DNAJC1: variants seen among roughly 807,000 people sequenced by gnomAD.
DNAJC1 encodes the protein dnaJ homolog subfamily C member 1.
Under a neutral mutation model 76.6 loss-of-function variants are expected in DNAJC1, and 58 were observed. That is an observed-to-expected ratio of 0.76 (90% CI 0.61 to 0.94). The LOEUF (loss-of-function observed/expected upper bound fraction) is 0.94, where lower values mean the gene tolerates loss of function less well. Among genes scored for constraint, DNAJC1 ranks in the 40% least tolerant of loss-of-function variants. The probability of loss-of-function intolerance (pLI) is 0.00; values close to 1 mark genes in which losing one functional copy is unlikely to be tolerated. For missense variants in DNAJC1, 689 were observed against 677.3 expected, an observed-to-expected ratio of 1.02 and a Z score of -0.19; for synonymous variants, 258 against 267.9, an observed-to-expected ratio of 0.96 and a Z score of 0.36.
chr10:21,862,326 T>C (rs892756399), intron 8 of DNAJC1, among the ~76,000 whole-genome samples: 7 of 152,124 alleles, frequency 4.6e-5, no homozygotes, highest in Admixed American at 3.3e-4. Flanking sequence ...TCTGGACCTC[T>C]TTCCTGTGAT....
chr10:21,925,893 C>T (rs1837119099), intron 3 of DNAJC1, among the ~76,000 whole-genome samples: 1 of 152,198 alleles, frequency 6.6e-6, no homozygotes, highest in South Asian at 2.1e-4. Flanking sequence ...CTAAAAAGCA[C>T]TTAACTGTAC....
chr10:21,804,116 G>C, intron 9 of DNAJC1: 1 of 266,614 alleles, frequency 3.8e-6, no homozygotes, highest in Non-Finnish European at 5.8e-6. Context: ...GTTATATCCT[G>C]TGTATTCTTG....
chr10:21,759,433 G>A lies in DNAJC1; in HGVS notation c.1333C>T (p.Arg445Trp), dbSNP rs781526289. Reference protein sequence around the residue: ...TGATDARPRRRKPARLLEATA... With the variant: ...TGATDARPRRWKPARLLEATA... ...GCCTCCAGCAGCCTGGCTGGCTTCC[G>A]CCTCCGAGGCCGGGCATCAGTGGCC... Residue 445 changes from arginine (R) to tryptophan (W), a missense_variant, in exon 11 of 12, where the codon CGG (arginine) becomes TGG (tryptophan). Transcript: ENST00000376980. 6.8e-6 allele frequency: 11 copies of A among 1,613,910 alleles called. No homozygotes were observed. Among genetic ancestry groups the A allele is most frequent in the South Asian group, 3.3e-5 (3 of 91,078 alleles).
At chr10:21,859,257 A>G (rs543640421) in intron 8 of DNAJC1, among the ~76,000 whole-genome samples, 6 of 152,280 alleles carry the variant, frequency 3.9e-5, no homozygotes, top group South Asian at 2.1e-4. Context: ...TTGAGCCATG[A>G]AAGATTCTTG....
chr10:21,804,408 C>T (rs1290276182), intron 9 of DNAJC1, among the ~76,000 whole-genome samples: 1 of 151,858 alleles, frequency 6.6e-6, no homozygotes, highest in Non-Finnish European at 1.5e-5. Context: ...ATTTTAGTTT[C>T]TTTTGATAAT....
At chr10:21,880,036 G>A (rs1249512139) in intron 8 of DNAJC1, among the ~76,000 whole-genome samples, 1 of 152,160 alleles carries the variant, frequency 6.6e-6, no homozygotes, top group African/African-American at 2.4e-5. Flanking sequence ...TCAATCCTTT[G>A]TTGTCATTTC....
At chr10:21,765,625 T>G (rs1252024733) in intron 10 of DNAJC1, among the ~76,000 whole-genome samples, 1 of 151,998 alleles carries the variant, frequency 6.6e-6, no homozygotes, top group African/African-American at 2.4e-5. Flanking sequence ...GGTGAGAGGA[T>G]CAAGAGGTCA....
intron 6 of DNAJC1, among the ~76,000 whole-genome samples, 174 bp from the exon 7 acceptor site, chr10:21,904,786 G>A (rs1182797370): frequency 6.6e-6 from 1 of 151,904 alleles, no homozygotes; most frequent in Non-Finnish European, 1.5e-5. Context: ...TTCTCTCCTG[G>A]AGAGCCAGTT....
intron 8 of DNAJC1, among the ~76,000 whole-genome samples, chr10:21,855,748 C>T (rs1213235547): frequency 6.6e-6 from 1 of 152,146 alleles, no homozygotes; most frequent in Non-Finnish European, 1.5e-5. Context: ...CTCACCAACA[C>T]TTCAACGTAA....
At chr10:21,793,183 G>A (rs1392271101) in intron 9 of DNAJC1, among the ~76,000 whole-genome samples, 1 of 152,066 alleles carries the variant, frequency 6.6e-6, no homozygotes, top group Non-Finnish European at 1.5e-5. Flanking sequence ...GTGAATGCCT[G>A]TAATCCCAGC....
chr10:22,000,180 T>C (rs1290162496), intron 1 of DNAJC1, among the ~76,000 whole-genome samples: 1 of 152,214 alleles, frequency 6.6e-6, no homozygotes, highest in African/African-American at 2.4e-5. Flanking sequence ...GTTTGCTCCA[T>C]GTTGAAATTC....
chr10:21,951,058 T>C (rs1223165340), intron 1 of DNAJC1, among the ~76,000 whole-genome samples: 1 of 152,112 alleles, frequency 6.6e-6, no homozygotes, highest in African/African-American at 2.4e-5. Context: ...GTAATCTAGA[T>C]GGCCAGGCGA....
intron 7 of DNAJC1, among the ~76,000 whole-genome samples, chr10:21,888,143 ATC>A (rs1836397654): frequency 6.6e-6 from 1 of 151,914 alleles, no homozygotes; most frequent in East Asian, 1.9e-4. Context: ...AAAGCTCCAT[ATC>A]ACTGATTATT....
chr10:21,929,268 A>C (rs564124474), intron 1 of DNAJC1, 127 bp from the exon 2 acceptor site: 3 of 627,182 alleles, frequency 4.8e-6, no homozygotes, highest in Admixed American at 3.2e-5. Flanking sequence ...TAATTTGAGC[A>C]ATCAGTCTTA....
chr10:21,882,199 C>T, intron 8 of DNAJC1, 83 bp downstream of exon 8: 10 of 1,268,892 alleles, frequency 7.9e-6, no homozygotes, highest in Non-Finnish European at 9.7e-6. Context: ...TAAAACAAAG[C>T]ACTATATCGT....
At chr10:21,912,143 G>A (rs182019666) in intron 6 of DNAJC1, among the ~76,000 whole-genome samples, 1 of 152,040 alleles carries the variant, frequency 6.6e-6, no homozygotes, top group African/African-American at 2.4e-5. Context: ...TTATCGACCT[G>A]GGGCGAAATT....
chr10:21,810,576 A>G (rs1180975131), intron 8 of DNAJC1, among the ~76,000 whole-genome samples: 7 of 152,192 alleles, frequency 4.6e-5, no homozygotes, highest in African/African-American at 1.4e-4. Context: ...TGGCACTAAC[A>G]AATTGCCTTT....
chr10:21,946,198 G>A (rs1046746815), intron 1 of DNAJC1, among the ~76,000 whole-genome samples: 2 of 151,326 alleles, frequency 1.3e-5, no homozygotes, highest in African/African-American at 2.4e-5. Context: ...GTGCCACCAC[G>A]CCCAACTAAA....
chr10:21,817,798 G>A (rs1835099294), intron 8 of DNAJC1, among the ~76,000 whole-genome samples: 1 of 152,180 alleles, frequency 6.6e-6, no homozygotes, highest in African/African-American at 2.4e-5. Flanking sequence ...TGTCTTTACG[G>A]CAATCTCTGA....
Sources: gnomAD v4.1 joint callset for allele counts (sites outside exome capture counted in the v4.1 genomes callset) on GRCh38, gnomAD v4.1.1 for gene constraint, MANE v1.5 for transcripts, NCBI Gene and HGNC (gene_info 2026-07-23, HGNC 2026-07-21) for gene names.